The following ROCK1 variants were observed in gnomAD, a reference collection of about 807,000 sequenced individuals.
ROCK1 encodes rho-associated protein kinase 1.
A neutral mutation model predicts 196.8 loss-of-function variants in ROCK1; 36 were observed. The ratio of observed to expected loss-of-function variants is 0.18; its 90% CI spans 0.14 to 0.24. The LOEUF (loss-of-function observed/expected upper bound fraction) is 0.24, where lower values mean the gene tolerates loss of function less well. Among genes scored for constraint, ROCK1 ranks in the 10% least tolerant of loss-of-function variants. The pLI, the probability that ROCK1 is intolerant of heterozygous loss-of-function variation, is 1.00. For missense variants in ROCK1, 920 were observed against 1,562.0 expected, an observed-to-expected ratio of 0.59 and a Z score of 6.93; for synonymous variants, 443 against 515.9, an observed-to-expected ratio of 0.86 and a Z score of 1.91.
chr18:21,097,889 G>A (rs2036625102), intron 1 of ROCK1, among the ~76,000 whole-genome samples: 1 of 152,250 alleles, frequency 6.6e-6, no homozygotes, highest in South Asian at 2.1e-4. Flanking sequence ...CTGGGTGGGA[G>A]TGAAAAATCC....
chr18:20,992,153 A>G (rs1400260055), intron 17 of ROCK1, among the ~76,000 whole-genome samples: 2 of 152,168 alleles, frequency 1.3e-5, no homozygotes, highest in Non-Finnish European at 2.9e-5. Context: ...AGCTTCTTTT[A>G]TCCTATGTCC....
At chr18:21,035,804 A>G (rs1216308973) in intron 9 of ROCK1, among the ~76,000 whole-genome samples, 2 of 152,208 alleles carry the variant, frequency 1.3e-5, no homozygotes, top group East Asian at 3.8e-4. Context: ...GTGCTAGGTG[A>G]AATAAACCAG....
rs193222112 is a variant in ROCK1, at chr18:21,091,299, A to T, written c.93+19519T>A. Reference sequence around the variant, plus strand: ...TTTCTCTAGCTTACTTTACTGTAAGAATACAGTATATAAGATATATAATAG... The same window carrying T: ...TTTCTCTAGCTTACTTTACTGTAAGTATACAGTATATAAGATATATAATAG... On this transcript the variant is annotated intron_variant, in intron 1 of 32. Coordinates refer to ENST00000399799, the MANE Select transcript of ROCK1 (RefSeq NM_005406.3). 1.6e-4 allele frequency among the ~76,000 whole-genome samples: 24 copies of T among 152,284 alleles called. No homozygotes were observed. The East Asian group carries it at 4.2e-3, about 27-fold the overall frequency.
chr18:21,058,683 G>A (rs1429289647), intron 2 of ROCK1, among the ~76,000 whole-genome samples: 7 of 152,024 alleles, frequency 4.6e-5, no homozygotes, highest in African/African-American at 1.2e-4. Flanking sequence ...GAGTTCAAGC[G>A]ATTCTCCCAC....
intron 2 of ROCK1, among the ~76,000 whole-genome samples, chr18:21,058,568 G>A (rs1166010511): frequency 1.3e-5 from 2 of 152,064 alleles, no homozygotes; most frequent in South Asian, 4.1e-4. Flanking sequence ...AAATTCACAA[G>A]AATGTTATAT....
chr18:21,085,046 C>T (rs1471362865), intron 1 of ROCK1, among the ~76,000 whole-genome samples: 4 of 151,974 alleles, frequency 2.6e-5, no homozygotes, highest in East Asian at 1.9e-4. Context: ...CTAGAAATGG[C>T]AAATTTACAG....
intron 14 of ROCK1, 89 bp from the exon 15 acceptor site, chr18:21,006,879 T>C: frequency 4.5e-6 from 4 of 895,134 alleles, no homozygotes; most frequent in Non-Finnish European, 6.6e-6. Flanking sequence ...CATTTAGTCT[T>C]AGGCCATAAT....
intron 16 of ROCK1, among the ~76,000 whole-genome samples, chr18:21,002,859 G>A (rs2035737714): frequency 6.6e-6 from 1 of 151,912 alleles, no homozygotes; most frequent in South Asian, 2.1e-4. Flanking sequence ...CTCCACCTGA[G>A]CCTCCTAAGT....
intron 2 of ROCK1, among the ~76,000 whole-genome samples, chr18:21,064,312 G>A (rs763901149): frequency 6.6e-6 from 1 of 152,170 alleles, no homozygotes; most frequent in Middle Eastern, 3.4e-3. Flanking sequence ...TTCCTCCATT[G>A]AAAAATCTAG....
At chr18:21,026,382 T>G (rs921326948) in intron 10 of ROCK1, among the ~76,000 whole-genome samples, 15 of 140,996 alleles carry the variant, frequency 1.1e-4, no homozygotes, top group African/African-American at 4.1e-4. Flanking sequence ...AAGCGGAGGT[T>G]GCAGTGAGCC....
chr18:20,961,348 CA>C (rs1229154977), intron 27 of ROCK1, among the ~76,000 whole-genome samples: 86 of 152,234 alleles, frequency 5.6e-4, no homozygotes, highest in African/African-American at 2.0e-3. Context: ...CAATAGGTAA[CA>C]TTTACTGATT....
chr18:20,959,109 ATATATTATATAAT>A (rs2035293740), intron 29 of ROCK1, among the ~76,000 whole-genome samples: 1 of 51,426 alleles, frequency 1.9e-5, no homozygotes, highest in East Asian at 6.4e-4. Flanking sequence ...TATATTATAT[ATATATTATATAAT>A]ATATATATTA....
chr18:20,960,312 A>AAATG (rs2035315040), intron 27 of ROCK1, 106 bp from the exon 28 acceptor site: 1 of 711,850 alleles, frequency 1.4e-6, no homozygotes, highest in Admixed American at 2.2e-5. Context: ...GAACACAACT[A>AAATG]AATGAATAAG....
In ROCK1 at chr18:21,058,447, T is replaced by C. The variant is rs186540876; in HGVS notation, c.176-8567A>G. ...ATCATAATAAACATTATGTACCTTG[T>C]ACTGTTTGACCAGAATACTGCTACT... On this transcript the variant is annotated intron_variant, in intron 2 of 32. Transcript: ENST00000399799. Among the ~76,000 whole-genome samples, 229 of 152,300 alleles carry C rather than the reference T, an allele frequency of 1.5e-3. 3 individuals are homozygous for C. Among genetic ancestry groups the C allele is most frequent in the African/African-American group, 5.3e-3 (222 of 41,554 alleles).
chr18:21,038,246 C>A (rs569901884), intron 9 of ROCK1, among the ~76,000 whole-genome samples: 106 of 152,198 alleles, frequency 7.0e-4, no homozygotes, highest in African/African-American at 2.4e-3. Flanking sequence ...ATAATTATGT[C>A]ACATTTAATT....
intron 6 of ROCK1, 74 bp downstream of exon 6, chr18:21,044,028 A>C: frequency 1.1e-6 from 1 of 882,144 alleles, no homozygotes. Flanking sequence ...TTTTCTAAAG[A>C]ATTCTTAAAC....
chr18:20,965,442 TATATAC>T (rs2035365390), intron 27 of ROCK1, among the ~76,000 whole-genome samples: 1 of 149,080 alleles, frequency 6.7e-6, no homozygotes, highest in Non-Finnish European at 1.5e-5. Context: ...CATACATACA[TATATAC>T]ATAGAGTAAG....
intron 1 of ROCK1, among the ~76,000 whole-genome samples, chr18:21,094,990 C>T (rs2036600656): frequency 4.3e-5 from 6 of 139,902 alleles, no homozygotes; most frequent in Admixed American, 1.5e-4. Context: ...GCAAAGGTTG[C>T]GGTGAGCCAA....
intron 9 of ROCK1, among the ~76,000 whole-genome samples, chr18:21,038,283 C>T (rs1418947934): frequency 6.6e-6 from 1 of 152,042 alleles, no homozygotes; most frequent in African/African-American, 2.4e-5. Context: ...TCCTTATTTC[C>T]TAGTATATAA....
Sources: allele counts gnomAD v4.1 joint callset (sites outside exome capture counted in the v4.1 genomes callset), GRCh38; gene constraint gnomAD v4.1.1; transcripts MANE v1.5; gene names NCBI Gene and HGNC (gene_info 2026-07-23, HGNC 2026-07-21).